Variants in UMAD1 observed in about 807,000 individuals in gnomAD.
UMAD1 encodes the protein UBAP1-MVB12-associated (UMA) domain containing 1.
A neutral mutation model predicts 6.1 loss-of-function variants in UMAD1; 8 were observed. The ratio of observed to expected loss-of-function variants is 1.30; its 90% CI spans 0.76 to 2.35. The LOEUF (loss-of-function observed/expected upper bound fraction) is 2.35. UMAD1 is among the 30% of genes most tolerant of loss of function. The pLI is 0.00. For synonymous variants in UMAD1, 56 were observed against 31.4 expected, an observed-to-expected ratio of 1.78 and a Z score of -2.61; for missense variants, 130 against 78.4, an observed-to-expected ratio of 1.66 and a Z score of -2.49.
At chr7:7,863,354 C>A (rs1784149440) in intron 3 of UMAD1, among the ~76,000 whole-genome samples, 1 of 152,130 alleles carries the variant, frequency 6.6e-6, no homozygotes, top group African/African-American at 2.4e-5. Flanking sequence ...CTGTATAGAG[C>A]ACCATACAAA....
At chr7:7,781,134 G>T (rs1782335989) in intron 2 of UMAD1, among the ~76,000 whole-genome samples, 1 of 152,104 alleles carries the variant, frequency 6.6e-6, no homozygotes, top group South Asian at 2.1e-4. Context: ...TGCTGGCACA[G>T]TACCTGACAC....
chr7:7,704,975 T>C (rs1052780491), intron 2 of UMAD1, among the ~76,000 whole-genome samples: 14 of 152,178 alleles, frequency 9.2e-5, no homozygotes, highest in Admixed American at 4.6e-4. Flanking sequence ...AAACTCAGCA[T>C]GCCTTTACAG....
intron 2 of UMAD1, among the ~76,000 whole-genome samples, chr7:7,691,585 C>T (rs568556619): frequency 6.6e-5 from 10 of 152,278 alleles, no homozygotes; most frequent in Non-Finnish European, 8.8e-5. Context: ...TCTCATCTTA[C>T]GCATTTCAGA....
chr7:7,827,593 A>AACTTTTGAGAAAATACAGTGAT (rs1783373563), intron 3 of UMAD1, among the ~76,000 whole-genome samples: 1 of 152,218 alleles, frequency 6.6e-6, no homozygotes, highest in Non-Finnish European at 1.5e-5. Flanking sequence ...AACTAAAGAT[A>AACTTTTGAGAAAATACAGTGAT]ACTTTTGAGA....
At chr7:7,682,246 C>G (rs971422208) in intron 2 of UMAD1, among the ~76,000 whole-genome samples, 3 of 152,150 alleles carry the variant, frequency 2.0e-5, no homozygotes, top group African/African-American at 7.2e-5. Context: ...TAATTCACAG[C>G]AGCTTGGATT....
chr7:7,835,462 CTTTTTTTTTTTTTTTTTTTTTTTT>C (rs150411259), intron 3 of UMAD1, among the ~76,000 whole-genome samples: 1,270 of 33,700 alleles, frequency 0.038, 40 homozygotes, highest in African/African-American at 0.12. Context: ...TGAAACAGCA[CTTTTTTTTTTTTTTTTTTTTTTTT>C]TTTTTTTTTT....
At position 7,671,523 on chromosome 7, in the gene UMAD1, T is replaced by C. The variant is rs146424556; in HGVS notation, c.-63-1786T>C. Among the ~76,000 whole-genome samples, 196 of 152,362 alleles carry C rather than the reference T, an allele frequency of 1.3e-3. 1 individual carries two copies. The Middle Eastern group carries it at 0.014, about 11-fold the overall frequency. ...TGTTCCTTAAAGGCCTTCTCAGTTT[T>C]GTTTTTAACTGTTCGAGGTTGAAAA... is the stretch of plus-strand genomic sequence containing the variant. On this transcript the variant is annotated intron_variant, in intron 1 of 3. Transcript: ENST00000682710.
intron 2 of UMAD1, among the ~76,000 whole-genome samples, chr7:7,677,568 G>T (rs1779773738): frequency 1.3e-5 from 2 of 150,810 alleles, no homozygotes; most frequent in Admixed American, 6.6e-5. Context: ...CATCTATGTT[G>T]TTGCAAAGGA....
intron 2 of UMAD1, among the ~76,000 whole-genome samples, chr7:7,749,030 T>A (rs1781629078): frequency 6.6e-6 from 1 of 152,152 alleles, no homozygotes; most frequent in Non-Finnish European, 1.5e-5. Flanking sequence ...TTGCTTTGCA[T>A]TGATTTCTGT....
chr7:7,822,026 G>T (rs2348561), intron 3 of UMAD1, among the ~76,000 whole-genome samples: 104,410 of 151,938 alleles, frequency 0.69, 36,317 homozygotes, highest in Non-Finnish European at 0.74. Context: ...AAAATGAGTT[G>T]TTGATGTGCT....
intron 2 of UMAD1, among the ~76,000 whole-genome samples, chr7:7,794,269 A>T (rs1482465737): frequency 6.6e-6 from 1 of 152,184 alleles, no homozygotes; most frequent in East Asian, 1.9e-4. Context: ...GCATGCCAAT[A>T]ATAACAGCCC....
intron 3 of UMAD1, among the ~76,000 whole-genome samples, chr7:7,802,990 G>A (rs1196299935): frequency 6.6e-6 from 1 of 152,078 alleles, no homozygotes; most frequent in African/African-American, 2.4e-5. Context: ...TCATGAGGAG[G>A]AAGAAAATCA....
chr7:7,808,361 T>C (rs1377327212), intron 3 of UMAD1, among the ~76,000 whole-genome samples: 2 of 151,992 alleles, frequency 1.3e-5, no homozygotes, highest in Non-Finnish European at 2.9e-5. Flanking sequence ...CCATTATGAC[T>C]CATCTCTTAA....
chr7:7,648,973 C>G (rs1470316531), intron 1 of UMAD1, among the ~76,000 whole-genome samples: 1 of 152,024 alleles, frequency 6.6e-6, no homozygotes, highest in Non-Finnish European at 1.5e-5. Context: ...GCCTGGCCAA[C>G]ATGGCAAAAC....
At chr7:7,669,686 A>G (rs1779557294) in intron 1 of UMAD1, among the ~76,000 whole-genome samples, 1 of 152,202 alleles carries the variant, frequency 6.6e-6, no homozygotes, top group South Asian at 2.1e-4. Flanking sequence ...ACAGAACAAC[A>G]TCTTGAGGTG....
chr7:7,792,060 A>G (rs1352188693), intron 2 of UMAD1, among the ~76,000 whole-genome samples: 1 of 152,228 alleles, frequency 6.6e-6, no homozygotes, highest in African/African-American at 2.4e-5. Context: ...TCTCCCACCT[A>G]CAGTCAAATC....
At chr7:7,709,887 T>A (rs1435976657) in intron 2 of UMAD1, among the ~76,000 whole-genome samples, 1 of 152,162 alleles carries the variant, frequency 6.6e-6, no homozygotes, top group Admixed American at 6.5e-5. Flanking sequence ...ACCTTGAAGT[T>A]CTCTAAGTCT....
intron 2 of UMAD1, among the ~76,000 whole-genome samples, chr7:7,730,030 C>G (rs537737599): frequency 6.6e-6 from 1 of 152,288 alleles, no homozygotes; most frequent in African/African-American, 2.4e-5. Flanking sequence ...GACCCTGCCA[C>G]TTTTCAACTC....
intron 3 of UMAD1, among the ~76,000 whole-genome samples, chr7:7,818,907 T>C (rs545722062): frequency 2.3e-4 from 35 of 152,316 alleles, no homozygotes; most frequent in African/African-American, 8.2e-4. Context: ...TAGAATGCCA[T>C]AGCACAGTCT....
Sources: allele counts gnomAD v4.1 joint callset (sites outside exome capture counted in the v4.1 genomes callset), GRCh38; gene constraint gnomAD v4.1.1; transcripts MANE v1.5; gene names NCBI Gene and HGNC (gene_info 2026-07-23, HGNC 2026-07-21).